The following ATP7B variants were observed in gnomAD, a reference collection of about 807,000 sequenced individuals.
ATP7B encodes ATPase copper transporting beta, also known as copper-transporting ATPase 2.
In ATP7B, 113 loss-of-function variants were observed where a neutral mutation model predicts 118.9. The observed-to-expected ratio is 0.95, with a 90% CI of 0.82 to 1.11. ATP7B has a LOEUF of 1.11. Ranked by LOEUF, ATP7B falls within the 50% of genes most tolerant of loss-of-function variation. The pLI, the probability that ATP7B is intolerant of heterozygous loss-of-function variation, is 0.00. For synonymous variants in ATP7B, 777 were observed against 727.4 expected, an observed-to-expected ratio of 1.07 and a Z score of -1.10; for missense variants, 1,867 against 1,871.4, an observed-to-expected ratio of 1.00 and a Z score of 0.04.
chr13:51,975,666 TA>T (rs1202225638), intron 1 of ATP7B: 1 of 455,292 alleles, frequency 2.2e-6, no homozygotes, highest in Non-Finnish European at 4.4e-6. Context: ...TATCTCTTTC[TA>T]GGGGTGTCTG....
intron 1 of ATP7B, among the ~76,000 whole-genome samples, chr13:51,986,080 AG>A (rs1237628881): frequency 1.3e-5 from 2 of 152,212 alleles, no homozygotes; most frequent in Non-Finnish European, 2.9e-5. Flanking sequence ...GAACTGAAGG[AG>A]ATAGACACAT....
intron 1 of ATP7B, among the ~76,000 whole-genome samples, chr13:52,008,677 C>G (rs1352061185): frequency 6.6e-6 from 1 of 152,140 alleles, no homozygotes; most frequent in Non-Finnish European, 1.5e-5. Flanking sequence ...GTATATATTT[C>G]TTCTTATCAC....
chr13:52,006,027 C>T (rs772044633), intron 1 of ATP7B, among the ~76,000 whole-genome samples: 4 of 152,216 alleles, frequency 2.6e-5, no homozygotes, highest in Non-Finnish European at 2.9e-5. Context: ...ACAGCATGAG[C>T]GATCTGTGCC....
At chr13:51,951,534 G>A (rs1958006784) in intron 9 of ATP7B, among the ~76,000 whole-genome samples, 1 of 152,178 alleles carries the variant, frequency 6.6e-6, no homozygotes, top group Non-Finnish European at 1.5e-5. Flanking sequence ...GCTGTCACAT[G>A]TAGATAGCAT....
chr13:51,982,915 C>T (rs755248326), intron 1 of ATP7B, among the ~76,000 whole-genome samples: 1 of 152,220 alleles, frequency 6.6e-6, no homozygotes, highest in African/African-American at 2.4e-5. Flanking sequence ...TCTTCACAAC[C>T]CACAGACCAG....
intron 1 of ATP7B, among the ~76,000 whole-genome samples, chr13:51,977,231 A>ATTTTT (rs56182396): frequency 6.8e-6 from 1 of 147,106 alleles, no homozygotes. Context: ...TAAACGTTTA[A>ATTTTT]TTTTTTTTTT....
Position 52,011,398 on chromosome 13 carries a change from G to T in ATP7B, c.-61C>A. The T allele has an allele frequency of 3.7e-6, 6 of 1,610,740 alleles. No homozygotes were observed. The highest frequency in any genetic ancestry group is 1.7e-5 in the Admixed American group (1 of 60,014). The stretch of plus-strand genomic sequence containing the variant: ...GCTCAGAGCAAAAGGTCACCTGGTC[G>T]GTGGAGGAGAGCGGGGTGTTAAAGT... On this transcript the variant is annotated 5_prime_UTR_variant, in exon 1 of 21. Coordinates refer to ENST00000242839, the MANE Select transcript of ATP7B (RefSeq NM_000053.4).
At chr13:51,988,600 C>T (rs562284387) in intron 1 of ATP7B, among the ~76,000 whole-genome samples, 279 of 152,184 alleles carry the variant, frequency 1.8e-3, no homozygotes, top group African/African-American at 6.4e-3. Context: ...TAAAGACACA[C>T]GCACACATAT....
chr13:51,945,609 C>T (rs1244969103), intron 13 of ATP7B, among the ~76,000 whole-genome samples: 4 of 152,178 alleles, frequency 2.6e-5, no homozygotes, highest in Non-Finnish European at 5.9e-5. Context: ...GTCCCCAGGA[C>T]GTCAAGCACC....
At chr13:51,975,535 GT>G (rs1952070115) in intron 1 of ATP7B, 1 of 524,222 alleles carries the variant, frequency 1.9e-6, no homozygotes, top group South Asian at 1.4e-5. Context: ...GAAGGCACAG[GT>G]ATCCCAAAAG....
chr13:51,967,192 AC>A (rs1951594909), intron 4 of ATP7B: 1 of 1,410,854 alleles, frequency 7.1e-7, no homozygotes, highest in Non-Finnish European at 9.9e-7. Context: ...TAAGAGAATG[AC>A]CAAGCTCAGT....
At chr13:51,970,450 T>C (rs752951810) in intron 3 of ATP7B, 42 bp downstream of exon 3, 3 of 1,613,526 alleles carry the variant, frequency 1.9e-6, no homozygotes, top group South Asian at 1.1e-5. Context: ...ACGAGGTCTA[T>C]ACGCAGCATT....
At chr13:51,988,220 AAAC>A (rs1952751486) in intron 1 of ATP7B, among the ~76,000 whole-genome samples, 1 of 151,886 alleles carries the variant, frequency 6.6e-6, no homozygotes, top group Non-Finnish European at 1.5e-5. Context: ...AAGAAAAAAA[AAAC>A]AACCCCATCA....
chr13:51,935,314 G>T (rs1956891906), intron 20 of ATP7B, among the ~76,000 whole-genome samples: 1 of 152,172 alleles, frequency 6.6e-6, no homozygotes, highest in Non-Finnish European at 1.5e-5. Flanking sequence ...AAAAGTGATA[G>T]ATCATACACA....
intron 1 of ATP7B, among the ~76,000 whole-genome samples, chr13:52,000,569 C>T (rs1953443499): frequency 6.6e-6 from 1 of 152,212 alleles, no homozygotes; most frequent in Non-Finnish European, 1.5e-5. Context: ...TCATCACCAT[C>T]TCCTCGGTGT....
chr13:51,946,301 G>T lies in ATP7B; in HGVS notation c.3043C>A (p.Leu1015Met). Residue 1015 changes from leucine to methionine, a missense_variant, in exon 13 of 21, where the codon CTG becomes ATG. Coordinates refer to ENST00000242839, the MANE Select transcript of ATP7B (RefSeq NM_000053.4). ...NGILIKGGKP[L>M]EMAHKIKTVM... ...AGGCTGACCTTGTGCGCCATCTCCA[G>T]GGGCTTGCCTCCCTTGATGAGGATG... The T allele has an allele frequency of 6.3e-7, 1 of 1,594,198 alleles. No individual in the cohort carries two copies. The highest frequency in any genetic ancestry group is 2.3e-5 in the East Asian group (1 of 44,094).
chr13:51,982,200 AACAACAAT>A (rs1386219442), intron 1 of ATP7B, among the ~76,000 whole-genome samples: 4 of 152,226 alleles, frequency 2.6e-5, no homozygotes, highest in African/African-American at 9.6e-5. Flanking sequence ...TGATAAAGAT[AACAACAAT>A]GATGAATTGA....
At chr13:51,965,488 AT>A (rs1473792646) in intron 4 of ATP7B, among the ~76,000 whole-genome samples, 1 of 152,124 alleles carries the variant, frequency 6.6e-6, no homozygotes. Context: ...CATCCTCCCT[AT>A]TTTAGTGCTC....
chr13:51,963,846 G>A (rs1433949286), intron 5 of ATP7B, among the ~76,000 whole-genome samples: 1 of 151,692 alleles, frequency 6.6e-6, no homozygotes, highest in Admixed American at 6.6e-5. Flanking sequence ...GGTGTCAGGA[G>A]TTTGAGACCG....
Sources: gnomAD v4.1 joint callset for allele counts (sites outside exome capture counted in the v4.1 genomes callset) on GRCh38, gnomAD v4.1.1 for gene constraint, MANE v1.5 for transcripts, NCBI Gene and HGNC (gene_info 2026-07-23, HGNC 2026-07-21) for gene names.